Variants in EPHB2 observed in about 807,000 individuals in gnomAD.
EPHB2 encodes the protein EPH receptor B2.
A neutral mutation model predicts 96.4 loss-of-function variants in EPHB2; 18 were observed. That is an observed-to-expected ratio of 0.19 (90% CI 0.13 to 0.28). The LOEUF (loss-of-function observed/expected upper bound fraction) is 0.28, where lower values mean the gene tolerates loss of function less well. Among genes scored for constraint, EPHB2 ranks in the 10% least tolerant of loss-of-function variants. The pLI, the probability that EPHB2 is intolerant of heterozygous loss-of-function variation, is 1.00. For missense variants in EPHB2, 989 were observed against 1,355.4 expected (o/e 0.73, Z 4.25); for synonymous variants, 506 against 534.1 (o/e 0.95, Z 0.72).
intron 3 of EPHB2, among the ~76,000 whole-genome samples, chr1:22,827,967 G>T (rs1158267557): frequency 2.0e-5 from 3 of 152,218 alleles, no homozygotes; most frequent in Admixed American, 2.0e-4. Context: ...GGCTATAAAC[G>T]TGAGCACTCA....
intron 3 of EPHB2, among the ~76,000 whole-genome samples, chr1:22,837,602 G>A (rs59992449): frequency 0.21 from 32,530 of 152,132 alleles, 3,548 homozygotes; most frequent in South Asian, 0.38. Context: ...CAAGGAGAGG[G>A]AGAAGGTGAA....
chr1:22,718,596 T>G (rs1248938135), intron 1 of EPHB2, among the ~76,000 whole-genome samples: 1 of 151,546 alleles, frequency 6.6e-6, no homozygotes, highest in Non-Finnish European at 1.5e-5. Flanking sequence ...ACTATGTTGG[T>G]CAGGCTGGTC....
intron 3 of EPHB2, among the ~76,000 whole-genome samples, chr1:22,842,228 G>C (rs904531488): frequency 5.9e-5 from 9 of 152,114 alleles, no homozygotes; most frequent in Non-Finnish European, 1.2e-4. Flanking sequence ...ACTAGCTCTC[G>C]ATGGGCAGCC....
chr1:22,900,327 T>G (rs1477150955), intron 9 of EPHB2, among the ~76,000 whole-genome samples: 2 of 152,122 alleles, frequency 1.3e-5, no homozygotes, highest in East Asian at 3.8e-4. Flanking sequence ...ATAAATTATG[T>G]CATCCCCTCT....
intron 9 of EPHB2, among the ~76,000 whole-genome samples, chr1:22,900,716 G>A (rs765450821): frequency 1.3e-5 from 2 of 152,162 alleles, no homozygotes; most frequent in African/African-American, 2.4e-5. Context: ...TCCTAGATCA[G>A]CACATTTTAA....
chr1:22,814,018 A>G (rs560696458), intron 3 of EPHB2, among the ~76,000 whole-genome samples: 130 of 152,288 alleles, frequency 8.5e-4, no homozygotes, highest in Non-Finnish European at 1.6e-3. Flanking sequence ...CTGAAAATAC[A>G]AAAATTAGTA....
rs2124113032 is a variant in EPHB2, at chr1:22,908,052, G to A, written c.2236G>A (p.Asp746Asn). The A allele has an allele frequency of 6.2e-7, 1 of 1,614,258 alleles. No individual in the cohort carries two copies. The highest frequency in any genetic ancestry group is 8.5e-7 in the Non-Finnish European group (1 of 1,180,052). ...YLADMNYVHR[D>N]LAARNILVNS... ...GGCAGACATGAACTATGTTCACCGT[G>A]ACCTGGCTGCCCGCAACATCCTCGT... is the stretch of plus-strand genomic sequence containing the variant. The change falls in exon 12 of 16, where the codon GAC becomes AAC. Residue 746 changes from aspartate (D) to asparagine (N), a missense_variant. By Grantham distance (23) the Asp-to-Asn change is conservative (BLOSUM62 1). Coordinates refer to ENST00000374630, the MANE Select transcript of EPHB2 (RefSeq NM_017449.5).
intron 5 of EPHB2, among the ~76,000 whole-genome samples, chr1:22,879,980 T>A (rs1365056405): frequency 2.0e-5 from 3 of 151,866 alleles, no homozygotes; most frequent in Non-Finnish European, 2.9e-5. Flanking sequence ...TCGGGACAAT[T>A]TTCCATAGCT....
At chr1:22,880,580 G>A (rs562416876) in intron 5 of EPHB2, among the ~76,000 whole-genome samples, 2 of 152,380 alleles carry the variant, frequency 1.3e-5, no homozygotes, top group South Asian at 4.1e-4. Flanking sequence ...GGACCACATT[G>A]AGAGTCCCTC....
chr1:22,782,528 TC>T (rs1046485867), intron 2 of EPHB2, among the ~76,000 whole-genome samples: 10 of 151,698 alleles, frequency 6.6e-5, no homozygotes, highest in Non-Finnish European at 1.2e-4. Context: ...TGTGGCTCTT[TC>T]TTGTCACCAA....
intron 1 of EPHB2, among the ~76,000 whole-genome samples, chr1:22,724,815 GC>G (rs575820693): frequency 2.5e-4 from 38 of 152,288 alleles, no homozygotes; most frequent in Admixed American, 2.4e-3. Flanking sequence ...CTGGGGACTG[GC>G]CCAGGGATCA....
At chr1:22,873,637 G>A (rs553852637) in intron 5 of EPHB2, among the ~76,000 whole-genome samples, 9 of 152,220 alleles carry the variant, frequency 5.9e-5, no homozygotes, top group South Asian at 4.1e-4. Flanking sequence ...TGTGTGAAGC[G>A]TGTCAGAAGA....
intron 1 of EPHB2, among the ~76,000 whole-genome samples, chr1:22,744,825 A>G (rs1346937963): frequency 6.6e-6 from 1 of 151,958 alleles, no homozygotes; most frequent in African/African-American, 2.4e-5. Flanking sequence ...AGCACTACAG[A>G]CTGGGTGACA....
chr1:22,727,677 C>T (rs1052070556), intron 1 of EPHB2, among the ~76,000 whole-genome samples: 3 of 151,576 alleles, frequency 2.0e-5, no homozygotes, highest in Non-Finnish European at 4.4e-5. Context: ...AAACTCCTTC[C>T]AAGGGAGATA....
chr1:22,877,467 G>T (rs1263949558), intron 5 of EPHB2, among the ~76,000 whole-genome samples: 1 of 152,150 alleles, frequency 6.6e-6, no homozygotes, highest in Non-Finnish European at 1.5e-5. Flanking sequence ...TGAGGAGCAG[G>T]TTGCCACCCC....
intron 3 of EPHB2, among the ~76,000 whole-genome samples, chr1:22,812,740 G>A (rs1469438990): frequency 1.3e-5 from 2 of 152,236 alleles, no homozygotes; most frequent in African/African-American, 4.8e-5. Context: ...GAGCAAGCCT[G>A]GTTAGATGGG....
chr1:22,752,866 G>T (rs532697088), intron 1 of EPHB2, among the ~76,000 whole-genome samples: 5 of 152,142 alleles, frequency 3.3e-5, no homozygotes, highest in African/African-American at 1.2e-4. Flanking sequence ...TTGCTGCAGC[G>T]TCAGATTACT....
At chr1:22,771,711 C>T (rs1010334873) in intron 1 of EPHB2, among the ~76,000 whole-genome samples, 5 of 152,182 alleles carry the variant, frequency 3.3e-5, no homozygotes, top group Admixed American at 2.6e-4. Flanking sequence ...TCCATGCACA[C>T]GGTAGCTGCC....
intron 1 of EPHB2, chr1:22,775,090 A>G: frequency 4.1e-6 from 3 of 725,958 alleles, no homozygotes; most frequent in Non-Finnish European, 7.7e-6. Context: ...ATGCAGAGAG[A>G]GAAGATAAAT....
Sources: gnomAD v4.1 joint callset for allele counts (sites outside exome capture counted in the v4.1 genomes callset) on GRCh38, gnomAD v4.1.1 for gene constraint, MANE v1.5 for transcripts, NCBI Gene and HGNC (gene_info 2026-07-23, HGNC 2026-07-21) for gene names.